CALD1: variants seen among roughly 807,000 people sequenced by gnomAD.
The protein encoded by CALD1 is caldesmon 1, also known as caldesmon.
Under a neutral mutation model 99.9 loss-of-function variants are expected in CALD1, and 33 were observed. That is an observed-to-expected ratio of 0.33 (90% CI 0.25 to 0.44). The LOEUF (loss-of-function observed/expected upper bound fraction) is 0.44. Among genes scored for constraint, CALD1 ranks in the 20% least tolerant of loss-of-function variants. The pLI is 1.00. For missense variants in CALD1, 861 were observed against 962.1 expected (o/e 0.89, Z 1.39); for synonymous variants, 310 against 325.0 (o/e 0.95, Z 0.50).
At chr7:134,754,256 G>A (rs1170110188) in intron 1 of CALD1, among the ~76,000 whole-genome samples, 3 of 152,176 alleles carry the variant, frequency 2.0e-5, no homozygotes, top group Non-Finnish European at 2.9e-5. Context: ...GAAGGGAGAA[G>A]AGAAAATGAT....
chr7:134,964,550 C>T (rs1271293635), intron 13 of CALD1, among the ~76,000 whole-genome samples: 6 of 152,124 alleles, frequency 3.9e-5, no homozygotes, highest in Admixed American at 3.9e-4. Flanking sequence ...TTCCAGCCTG[C>T]CCCTGGGCAG....
chr7:134,959,930 C>A, intron 11 of CALD1, 44 bp from the exon 12 acceptor site: 1 of 1,589,958 alleles, frequency 6.3e-7, no homozygotes. Context: ...TTTATGAGAA[C>A]AAACTTCCCA....
chr7:134,958,915 CTA>C (rs1476963325), intron 11 of CALD1, among the ~76,000 whole-genome samples: 1 of 101,994 alleles, frequency 9.8e-6, no homozygotes, highest in East Asian at 3.3e-4. Context: ...ATATATTTAA[CTA>C]TATATATATT....
intron 1 of CALD1, among the ~76,000 whole-genome samples, chr7:134,780,892 T>G (rs1406341516): frequency 6.6e-6 from 1 of 152,194 alleles, no homozygotes; most frequent in East Asian, 1.9e-4. Context: ...ATCTGATGAT[T>G]TTTTAGTAGT....
the CALD1 span, among the ~76,000 whole-genome samples, chr7:134,725,939 A>G: frequency 2.0e-5 from 3 of 152,336 alleles, no homozygotes; most frequent in South Asian, 2.1e-4. Flanking sequence ...TAAAACCTCT[A>G]TGGGGTCCCC....
At chr7:134,788,629 A>G (rs1022776940) in intron 1 of CALD1, among the ~76,000 whole-genome samples, 6 of 152,190 alleles carry the variant, frequency 3.9e-5, no homozygotes, top group African/African-American at 1.2e-4. Context: ...GAAAGTAGAG[A>G]CTTTGTTTGG....
At chr7:134,932,893 G>C (rs1271576317) in intron 4 of CALD1, 95 bp from the exon 5 acceptor site, 2 of 771,016 alleles carry the variant, frequency 2.6e-6, no homozygotes, top group Non-Finnish European at 4.2e-6. Flanking sequence ...GGCACTACTG[G>C]CATCTGCTGT....
intron 1 of CALD1, among the ~76,000 whole-genome samples, chr7:134,774,128 C>T (rs1252280239): frequency 6.6e-6 from 1 of 151,064 alleles, no homozygotes; most frequent in Non-Finnish European, 1.5e-5. Flanking sequence ...TGACATGGTG[C>T]CACTGCACTC....
At chr7:134,917,599 C>G (rs987045492) in intron 3 of CALD1, among the ~76,000 whole-genome samples, 4 of 152,188 alleles carry the variant, frequency 2.6e-5, no homozygotes, top group Non-Finnish European at 5.9e-5. Flanking sequence ...ATCCACCCAC[C>G]TTGGCATCCC....
At chr7:134,810,858 C>A (rs1200483519) in intron 1 of CALD1, among the ~76,000 whole-genome samples, 1 of 152,118 alleles carries the variant, frequency 6.6e-6, no homozygotes, top group Non-Finnish European at 1.5e-5. Context: ...GGCCAACCAC[C>A]CAAGTTGCCT....
chr7:134,730,025 T>C, the CALD1 span, among the ~76,000 whole-genome samples: 10 of 151,966 alleles, frequency 6.6e-5, no homozygotes, highest in Non-Finnish European at 1.2e-4. Context: ...ACAGACACAG[T>C]CACAGATGAG....
At chr7:134,855,438 G>A (rs1800257354) in intron 2 of CALD1, among the ~76,000 whole-genome samples, 3 of 152,226 alleles carry the variant, frequency 2.0e-5, no homozygotes, top group Admixed American at 2.0e-4. Context: ...TCGTTTACAA[G>A]AGGTGCAATC....
At chr7:134,771,478 C>T (rs1796877408) in intron 1 of CALD1, among the ~76,000 whole-genome samples, 1 of 152,168 alleles carries the variant, frequency 6.6e-6, no homozygotes, top group Non-Finnish European at 1.5e-5. Context: ...CAGTGAATCT[C>T]CATGTCCTAG....
At chr7:134,872,065 G>A (rs1171140898) in intron 3 of CALD1, among the ~76,000 whole-genome samples, 3 of 152,136 alleles carry the variant, frequency 2.0e-5, no homozygotes, top group Non-Finnish European at 4.4e-5. Flanking sequence ...TGCAAACGTA[G>A]TGCATCAAAA....
At chr7:134,807,262 C>T (rs1210264750) in intron 1 of CALD1, among the ~76,000 whole-genome samples, 1 of 152,178 alleles carries the variant, frequency 6.6e-6, no homozygotes, top group Non-Finnish European at 1.5e-5. Context: ...TCTATTAAAA[C>T]ATTGGCACAA....
intron 3 of CALD1, among the ~76,000 whole-genome samples, chr7:134,893,559 C>T (rs151263017): frequency 3.7e-4 from 57 of 152,266 alleles, no homozygotes; most frequent in African/African-American, 1.3e-3. Flanking sequence ...TCAGCATATA[C>T]AAGCCACCAC....
intron 2 of CALD1, chr7:134,866,750 A>G (rs563446715): frequency 4.6e-5 from 7 of 152,312 alleles, no homozygotes; most frequent in African/African-American, 1.7e-4. Context: ...CAGAGAGTCT[A>G]GGATTCCAGA....
At chr7:134,895,382 A>G (rs1802500949) in intron 3 of CALD1, among the ~76,000 whole-genome samples, 1 of 151,762 alleles carries the variant, frequency 6.6e-6, no homozygotes, top group African/African-American at 2.4e-5. Context: ...ATTAAAGCAG[A>G]TATTACAACA....
At chr7:134,736,011 T>C in the CALD1 span, among the ~76,000 whole-genome samples, 1 of 152,138 alleles carries the variant, frequency 6.6e-6, no homozygotes, top group Non-Finnish European at 1.5e-5. Context: ...AACCCAAGAA[T>C]AGGGAGAGAC....
Sources: allele counts gnomAD v4.1 joint callset (sites outside exome capture counted in the v4.1 genomes callset), GRCh38; gene constraint gnomAD v4.1.1; transcripts MANE v1.5; gene names NCBI Gene and HGNC (gene_info 2026-07-23, HGNC 2026-07-21).